SMARCA4: variants seen among roughly 807,000 people sequenced by gnomAD.
SMARCA4 encodes SWI/SNF-related matrix-associated actin-dependent regulator of chromatin subfamily A member 4.
Under a neutral mutation model 193.9 loss-of-function variants are expected in SMARCA4, and 31 were observed. The ratio of observed to expected loss-of-function variants is 0.16; its 90% CI spans 0.12 to 0.22. SMARCA4 has a LOEUF of 0.22. Ranked by LOEUF, SMARCA4 falls within the 10% of genes least tolerant of loss-of-function variation. SMARCA4 has a pLI of 1.00. For synonymous variants in SMARCA4, 942 were observed against 933.1 expected, an observed-to-expected ratio of 1.01 and a Z score of -0.17; for missense variants, 1,148 against 2,296.0, an observed-to-expected ratio of 0.50 and a Z score of 10.22.
chr19:10,991,068 A>G (rs762422159), intron 7 of SMARCA4, 82 bp from the exon 8 acceptor site: 4 of 1,587,666 alleles, frequency 2.5e-6, no homozygotes, highest in African/African-American at 1.3e-5. Context: ...GCGGTGAAGC[A>G]TGTGACATCA....
chr19:11,060,363 C>A, intron 34 of SMARCA4, 176 bp downstream of exon 34: 1 of 766,694 alleles, frequency 1.3e-6, no homozygotes, highest in Non-Finnish European at 2.2e-6. Flanking sequence ...GGCAGGGCTG[C>A]CACTCAAAGC....
intron 30 of SMARCA4, among the ~76,000 whole-genome samples, chr19:11,052,174 TAAAAA>T (rs1158529278): frequency 6.6e-6 from 1 of 151,416 alleles, no homozygotes; most frequent in Non-Finnish European, 1.5e-5. Flanking sequence ...AAAAAGGAAG[TAAAAA>T]AGAAATAAGG....
At chr19:11,026,226 G>A (rs560836827) in intron 22 of SMARCA4, 74 bp from the exon 23 acceptor site, 60 of 1,155,628 alleles carry the variant, frequency 5.2e-5, no homozygotes, top group Admixed American at 6.7e-5. Flanking sequence ...GAGCACGAGC[G>A]GTGTGTGCGG....
intron 30 of SMARCA4, among the ~76,000 whole-genome samples, chr19:11,046,633 C>T (rs1261086153): frequency 2.6e-5 from 4 of 152,272 alleles, no homozygotes; most frequent in South Asian, 2.1e-4. Flanking sequence ...TCACATAGGG[C>T]ACATCAACTC....
At chr19:11,057,997 T>G (rs778014860) in intron 30 of SMARCA4, among the ~76,000 whole-genome samples, 6 of 151,100 alleles carry the variant, frequency 4.0e-5, no homozygotes, top group African/African-American at 9.7e-5. Context: ...TCCCAGTGAC[T>G]CCAAAGGCTG....
Position 11,041,606 on chromosome 19 carries a change from G to A in SMARCA4, c.4424+46G>A, listed in dbSNP as rs775845828. ...GGCGGGGGCTGTAGGGGTCCCCGTG[G>A]GAGCAGGCCTGGCATCTGCACTCTG... On this transcript the variant is annotated intron_variant, in intron 30 of 34. Transcript: ENST00000344626. The surrounding 1 kb of genome is among the most constrained non-coding windows in gnomAD (Gnocchi z 5.6). 1.3e-6 allele frequency: 2 copies of A among 1,581,056 alleles called. No homozygotes were observed. The highest frequency in any genetic ancestry group is 1.7e-6 in the Non-Finnish European group (2 of 1,156,786).
intron 16 of SMARCA4, 32 bp from the exon 17 acceptor site, chr19:11,018,925 G>A (rs1179287058): frequency 3.8e-6 from 6 of 1,584,120 alleles, no homozygotes; most frequent in South Asian, 3.3e-5. Flanking sequence ...ATGAGAGACC[G>A]GCACTTGACT....
At chr19:11,054,049 G>A (rs984820800) in intron 30 of SMARCA4, among the ~76,000 whole-genome samples, 2 of 152,228 alleles carry the variant, frequency 1.3e-5, no homozygotes, top group Non-Finnish European at 2.9e-5. Context: ...GTGAAACAGT[G>A]CTTGGCTTCT....
Position 11,061,950 on chromosome 19 carries a change from A to G in SMARCA4, c.*134A>G, listed in dbSNP as rs2076922388. The G allele has an allele frequency of 1.2e-6, 1 of 854,986 alleles. No homozygotes were observed. Among genetic ancestry groups the G allele is most frequent in the Non-Finnish European group, 2.0e-6 (1 of 510,364 alleles). The allele number at this position is 854,986 out of a possible 1,614,324, so 53.0% of individuals were successfully genotyped here. ...CTGTATAAACAAAAGAATCTTCCAT[A>G]TTTATACAGCAGAGAAGCTGTAGGA... On this transcript the variant is annotated 3_prime_UTR_variant, in exon 35 of 35. Transcript: ENST00000344626.
chr19:11,043,512 C>A (rs1019638157), intron 30 of SMARCA4, among the ~76,000 whole-genome samples: 1 of 151,654 alleles, frequency 6.6e-6, no homozygotes, highest in African/African-American at 2.4e-5. Context: ...GATACAGCTG[C>A]GGGCAGTAGC....
chr19:11,019,541 C>G lies in SMARCA4; in HGVS notation c.2506-50C>G. 7.7e-7 allele frequency: 1 copy of G among 1,299,138 alleles called. No homozygotes were observed. The highest frequency in any genetic ancestry group is 1.1e-6 in the Non-Finnish European group (1 of 911,840). 80.5% of individuals were successfully genotyped at this position (1,299,138 alleles called of 1,614,324 possible). ...GGGGTGCCTGTGCCCCTCTTGCCAC[C>G]TGGCCACCCGGCTCCAAAAGCCGAG... On this transcript the variant is annotated intron_variant, in intron 17 of 34. Transcript: ENST00000344626. The surrounding 1 kb of genome is among the most constrained non-coding windows in gnomAD (Gnocchi z 6.1).
intron 13 of SMARCA4, among the ~76,000 whole-genome samples, chr19:11,004,965 G>A (rs1393749158): frequency 7.3e-5 from 11 of 151,654 alleles, no homozygotes; most frequent in Non-Finnish European, 1.6e-4. Flanking sequence ...TCAGCCTCCC[G>A]GGACTACAGG....
Position 11,013,213 on chromosome 19 carries a change from A to G in SMARCA4, c.2438+101A>G, listed in dbSNP as rs1244341257. The G allele has an allele frequency of 3.7e-6, 5 of 1,357,950 alleles. No homozygotes were observed. The East Asian group carries it at 1.2e-4, about 34-fold the overall frequency. 84.1% of individuals were successfully genotyped at this position (1,357,950 alleles called of 1,614,324 possible). On this transcript the variant is annotated intron_variant, in intron 16 of 34. Coordinates refer to ENST00000344626, the MANE Select transcript of SMARCA4 (RefSeq NM_003072.5). ...AGAATACCACAAACGAGGTGGCTTA[A>G]TTACAGAAATTTGTTTTCCTGGAGG...
rs563467182 is a variant in SMARCA4 at position 11,050,232 on chromosome 19, G to A, written c.4425-8023G>A. Among the ~76,000 whole-genome samples, 4 of 152,372 alleles carry A rather than the reference G, an allele frequency of 2.6e-5. No individual in the cohort carries two copies. In the East Asian group the frequency reaches 5.8e-4, roughly 22 times the overall value. ...CTATGCTCGGGCAGCTCGGAAAGAC[G>A]GTGACGGGTCCAGGCTGCCGCAGCT... On this transcript the variant is annotated intron_variant, in intron 30 of 34. Transcript: ENST00000344626.
intron 30 of SMARCA4, among the ~76,000 whole-genome samples, chr19:11,043,706 A>C (rs2075745572): frequency 6.6e-6 from 1 of 152,016 alleles, no homozygotes; most frequent in African/African-American, 2.4e-5. Flanking sequence ...GGCCAGGTAT[A>C]GTGGCTCGTG....
At chr19:11,029,452 G>T (rs1395430452) in intron 24 of SMARCA4, among the ~76,000 whole-genome samples, 1 of 152,262 alleles carries the variant, frequency 6.6e-6, no homozygotes, top group Non-Finnish European at 1.5e-5. Flanking sequence ...GTAGAGGAAG[G>T]GTAGGAGCTC....
intron 11 of SMARCA4, among the ~76,000 whole-genome samples, chr19:10,998,221 T>C (rs909685100): frequency 2.0e-5 from 3 of 152,174 alleles, no homozygotes; most frequent in African/African-American, 7.2e-5. Context: ...CCCCGGACTT[T>C]GGTTTGTCTG....
chr19:10,983,161 C>G (rs2085703450), intron 1 of SMARCA4, among the ~76,000 whole-genome samples: 1 of 152,180 alleles, frequency 6.6e-6, no homozygotes. Context: ...GCGGAGAAGC[C>G]TCTTTACAGA....
In SMARCA4 at chr19:11,033,466, T is replaced by C. The variant is rs2146653872; in HGVS notation, c.3723T>C (p.His1241=). The stretch of plus-strand genomic sequence containing the variant: ...TGTTCGACCAGAAGTCCTCCAGCCA[T>C]GAGCGGCGCGCCTTCCTGCAGGCCA... ...AGMFDQKSSS[H]ERRAFLQAIL... is the part of the protein sequence containing the mutation. Residue 1241 remains histidine, a synonymous_variant, in exon 26 of 35, where the codon CAT becomes CAC. Coordinates refer to ENST00000344626, the MANE Select transcript of SMARCA4 (RefSeq NM_003072.5). The surrounding 1 kb of genome is among the most constrained non-coding windows in gnomAD (Gnocchi z 9.8). 6.2e-7 allele frequency: 1 copy of C among 1,613,348 alleles called. No homozygotes were observed. The highest frequency in any genetic ancestry group is 2.2e-5 in the East Asian group (1 of 44,882).
Sources: allele counts gnomAD v4.1 joint callset (sites outside exome capture counted in the v4.1 genomes callset), GRCh38; gene constraint gnomAD v4.1.1; non-coding constraint Gnocchi (gnomAD v3.1); transcripts MANE v1.5; gene names NCBI Gene and HGNC (gene_info 2026-07-23, HGNC 2026-07-21).